The following SLIT3 variants were observed in gnomAD, a reference collection of about 807,000 sequenced individuals.
SLIT3 encodes slit guidance ligand 3.
A neutral mutation model predicts 184.0 loss-of-function variants in SLIT3; 68 were observed. The ratio of observed to expected loss-of-function variants is 0.37; its 90% CI spans 0.30 to 0.45. SLIT3 has a LOEUF of 0.45. Among genes scored for constraint, SLIT3 ranks in the 20% least tolerant of loss-of-function variants. SLIT3 has a pLI of 1.00. For missense variants in SLIT3, 1,707 were observed against 2,026.0 expected (o/e 0.84, Z 3.02); for synonymous variants, 831 against 828.6 (o/e 1.00, Z -0.05).
chr5:168,767,192 C>G (rs1755375019), intron 14 of SLIT3, among the ~76,000 whole-genome samples: 1 of 152,190 alleles, frequency 6.6e-6, no homozygotes. Flanking sequence ...TGGTTGGGCT[C>G]CTGGTTCTGA....
intron 4 of SLIT3, among the ~76,000 whole-genome samples, chr5:169,126,485 C>T (rs537969011): frequency 4.7e-4 from 71 of 152,330 alleles, no homozygotes; most frequent in Non-Finnish European, 8.4e-4. Flanking sequence ...AGAGAAATGT[C>T]TTTGATTCAT....
chr5:168,838,218 G>A (rs1758118129), intron 6 of SLIT3, among the ~76,000 whole-genome samples: 1 of 152,192 alleles, frequency 6.6e-6, no homozygotes, highest in Non-Finnish European at 1.5e-5. Context: ...CTGGATCTGA[G>A]TTCGGAAAGA....
intron 4 of SLIT3, among the ~76,000 whole-genome samples, chr5:168,906,524 T>A (rs1761057456): frequency 1.3e-5 from 2 of 152,220 alleles, no homozygotes; most frequent in Admixed American, 1.3e-4. Flanking sequence ...TGTGCATGAC[T>A]GTGAATTTGA....
intron 12 of SLIT3, among the ~76,000 whole-genome samples, chr5:168,775,679 G>A (rs1050395290): frequency 6.6e-6 from 1 of 152,094 alleles, no homozygotes; most frequent in African/African-American, 2.4e-5. Flanking sequence ...TCTTTATTAA[G>A]ATGTATAATA....
chr5:169,293,055 A>G (rs1049318541), intron 1 of SLIT3, among the ~76,000 whole-genome samples: 36 of 152,246 alleles, frequency 2.4e-4, no homozygotes, highest in Non-Finnish European at 5.9e-5. Context: ...TTAGAGGAAG[A>G]GAACTATGGA....
intron 4 of SLIT3, among the ~76,000 whole-genome samples, chr5:169,113,759 G>A (rs988920869): frequency 6.8e-6 from 1 of 148,112 alleles, no homozygotes; most frequent in Non-Finnish European, 1.5e-5. Flanking sequence ...TGGTTCAACC[G>A]ATTCTCCTGC....
At position 168,684,170 on chromosome 5, in the gene SLIT3, C is replaced by T. The variant is rs976673346; in HGVS notation, c.3556-74G>A. The T allele has an allele frequency of 1.4e-5, 19 of 1,392,290 alleles. No homozygotes were observed. The African/African-American group carries it at 2.6e-4, about 19-fold the overall frequency. 86.2% of individuals were successfully genotyped at this position (1,392,290 alleles called of 1,614,324 possible). On this transcript the variant is annotated intron_variant, in intron 31 of 35. Transcript: ENST00000519560. ...ACCTTCCCTGCCCATCTCACAGAGC[C>T]CTCTTCCAGGCAGCAGCTTCTGAAT...
At chr5:169,161,239 C>T (rs1209179721) in intron 4 of SLIT3, among the ~76,000 whole-genome samples, 3 of 152,206 alleles carry the variant, frequency 2.0e-5, no homozygotes, top group Non-Finnish European at 4.4e-5. Context: ...GATTTGTGGT[C>T]GGCCGCTAAT....
At chr5:168,963,982 A>C (rs10073172) in intron 4 of SLIT3, among the ~76,000 whole-genome samples, 3,523 of 152,320 alleles carry the variant, frequency 0.023, 147 homozygotes, top group African/African-American at 0.08. Flanking sequence ...ATCAACGATT[A>C]TGATTTATGA....
At chr5:169,261,246 A>G (rs1766164138) in intron 1 of SLIT3, among the ~76,000 whole-genome samples, 1 of 152,212 alleles carries the variant, frequency 6.6e-6, no homozygotes, top group South Asian at 2.1e-4. Flanking sequence ...TGAGACCTCA[A>G]GAAAGAGTTG....
rs767384730 is a variant in SLIT3 at position 168,748,426 on chromosome 5, C to T, written c.2146G>A (p.Glu716Lys). Residue 716 changes from glutamate to lysine, a missense_variant, in exon 20 of 36, where the codon GAG (glutamate) becomes AAG (lysine). Glu to Lys is a moderately conservative substitution (Grantham distance 56). Transcript: ENST00000519560. ...IQDFTCDGNE[E>K]SSCQLSPRCP... ...CGCGGGCTCAGCTGGCAGCTACTCTCCTCGTTGCCTGTGGAGAGCCCCAGA... is the reference window on the plus strand; with the variant it reads ...CGCGGGCTCAGCTGGCAGCTACTCTTCTCGTTGCCTGTGGAGAGCCCCAGA... 3.1e-5 allele frequency: 47 copies of T among 1,524,020 alleles called. 1 individual carries two copies. The South Asian group carries it at 4.8e-4, about 16-fold the overall frequency. The allele number at this position is 1,524,020 out of a possible 1,614,324, so 94.4% of individuals were successfully genotyped here. A position where few individuals can be genotyped will look rare whatever the true frequency, so the allele number is the denominator to read the frequency against.
chr5:168,825,715 T>G (rs1757679523), intron 6 of SLIT3, among the ~76,000 whole-genome samples: 1 of 152,182 alleles, frequency 6.6e-6, no homozygotes, highest in Non-Finnish European at 1.5e-5. Context: ...CCTCTGTCCA[T>G]CCAGAAAGCT....
rs558946046 is a variant in SLIT3 at position 169,258,852 on chromosome 5, A to C, written c.198-7393T>G. ...AGCTGTGGCACATCTGGGAAGAGCAAGGAGTGAAAAAACAGCCCTCAGTGA... is the reference window on the plus strand; with the variant it reads ...AGCTGTGGCACATCTGGGAAGAGCACGGAGTGAAAAAACAGCCCTCAGTGA... On this transcript the variant is annotated intron_variant, in intron 1 of 35. Coordinates refer to ENST00000519560, the MANE Select transcript of SLIT3 (RefSeq NM_003062.4). Among the ~76,000 whole-genome samples, 7 of 152,334 alleles carry C rather than the reference A, an allele frequency of 4.6e-5. No homozygotes were observed. The South Asian group carries it at 1.2e-3, about 27-fold the overall frequency.
At chr5:169,023,939 A>T (rs1756705735) in intron 4 of SLIT3, 2 of 152,230 alleles carry the variant, frequency 1.3e-5, no homozygotes, top group Admixed American at 6.5e-5. Flanking sequence ...AAACATTCGC[A>T]TGCTACAATT....
At position 169,296,922 on chromosome 5, in the gene SLIT3, G is replaced by A. The variant is rs149356156; in HGVS notation, c.197+3591C>T. On this transcript the variant is annotated intron_variant, in intron 1 of 35. Coordinates refer to ENST00000519560, the MANE Select transcript of SLIT3 (RefSeq NM_003062.4). ...TGCAGTGAGAAGTGGGCCTCTGCCT[G>A]CCTCTAGACAAGGACGGCAAGATGG... 4.9e-3 allele frequency among the ~76,000 whole-genome samples: 743 copies of A among 152,314 alleles called. 6 individuals are homozygous for A. Among genetic ancestry groups the A allele is most frequent in the Middle Eastern group, 0.014 (4 of 294 alleles).
intron 4 of SLIT3, among the ~76,000 whole-genome samples, chr5:169,096,865 T>C: frequency 6.6e-6 from 1 of 152,232 alleles, no homozygotes; most frequent in Non-Finnish European, 1.5e-5. Context: ...CTGAGATTCC[T>C]TCCCAGGTAG....
Position 168,774,285 on chromosome 5 carries a change from C to A in SLIT3, c.1245G>T (p.Leu415=), listed in dbSNP as rs1412152927. 8 of 1,614,050 alleles carry A rather than the reference C, an allele frequency of 5.0e-6. No homozygotes were observed. In the South Asian group the frequency reaches 7.7e-5, roughly 16 times the overall value. The part of the protein sequence containing the change: ...LNLLSLYDNK[L]QTISKGLFAP... ...CGAAGAGCCCCTTGCTGATGGTCTG[C>A]AGCTTGTTGTCATACAGGGAGAGCA... is the stretch of plus-strand genomic sequence containing the variant. The change falls in exon 13 of 36, where the codon CTG becomes CTT. Residue 415 remains leucine (L), a synonymous_variant. Transcript: ENST00000519560.
intron 4 of SLIT3, among the ~76,000 whole-genome samples, chr5:169,027,549 C>T (rs934828701): frequency 7.9e-5 from 12 of 152,180 alleles, no homozygotes; most frequent in African/African-American, 2.9e-4. Flanking sequence ...AAATGACTTG[C>T]TCCACTCCAA....
In SLIT3 at chr5:169,032,284, T is replaced by C. The variant is rs187262975; in HGVS notation, c.414-148948A>G. Among the ~76,000 whole-genome samples the C allele has an allele frequency of 1.6e-4, 24 of 152,332 alleles. No homozygotes were observed. The East Asian group carries it at 2.9e-3, about 18-fold the overall frequency. On this transcript the variant is annotated intron_variant, in intron 4 of 35. Coordinates refer to ENST00000519560, the MANE Select transcript of SLIT3 (RefSeq NM_003062.4). ...AATATGAAAGAACATTTTTTTTATC[T>C]CTGTGTCCTGAAAATAAGTTACTGG... is the stretch of plus-strand genomic sequence containing the variant.
Sources: gnomAD v4.1 joint callset for allele counts (sites outside exome capture counted in the v4.1 genomes callset) on GRCh38, gnomAD v4.1.1 for gene constraint, MANE v1.5 for transcripts, NCBI Gene and HGNC (gene_info 2026-07-23, HGNC 2026-07-21) for gene names.